Variants in TACR1 observed in about 807,000 individuals in gnomAD.
TACR1 encodes the protein tachykinin receptor 1, also known as substance-P receptor.
In TACR1, 25 loss-of-function variants were observed where a neutral mutation model predicts 35.8. The observed-to-expected ratio is 0.70, with a 90% CI of 0.51 to 0.98. The LOEUF (loss-of-function observed/expected upper bound fraction) is 0.98, where lower values mean the gene tolerates loss of function less well. TACR1 is among the 50% of genes least tolerant of loss of function. TACR1 has a pLI of 0.00. For synonymous variants in TACR1, 195 were observed against 206.7 expected, an observed-to-expected ratio of 0.94 and a Z score of 0.48; for missense variants, 478 against 522.9, an observed-to-expected ratio of 0.91 and a Z score of 0.84.
intron 1 of TACR1, among the ~76,000 whole-genome samples, chr2:75,133,188 G>A (rs1026538429): frequency 6.6e-6 from 1 of 152,092 alleles, no homozygotes; most frequent in Non-Finnish European, 1.5e-5. Flanking sequence ...TTTGACTTGA[G>A]CATTTTTTAC....
At chr2:75,120,912 CA>C in intron 1 of TACR1, 144 bp from the exon 2 acceptor site, 1 of 726,582 alleles carries the variant, frequency 1.4e-6, no homozygotes, top group Non-Finnish European at 2.1e-6. Context: ...ATTCCTTTTC[CA>C]TATTCTACCC....
chr2:75,108,309 T>C (rs116251300), intron 2 of TACR1, among the ~76,000 whole-genome samples: 1,760 of 152,252 alleles, frequency 0.012, 36 homozygotes, highest in African/African-American at 0.04. Context: ...TAACTTACCA[T>C]GACCAACTAA....
At chr2:75,145,502 C>G (rs1313147296) in intron 1 of TACR1, among the ~76,000 whole-genome samples, 5 of 152,150 alleles carry the variant, frequency 3.3e-5, no homozygotes, top group Non-Finnish European at 7.4e-5. Flanking sequence ...AAAAACAAGA[C>G]AAATTCAATT....
intron 1 of TACR1, among the ~76,000 whole-genome samples, chr2:75,140,934 T>G (rs1674388990): frequency 2.6e-5 from 4 of 152,198 alleles, no homozygotes. Flanking sequence ...ATTCTTATTG[T>G]TTTTCTTTTG....
chr2:75,167,433 A>G (rs927504127), intron 1 of TACR1, among the ~76,000 whole-genome samples: 1 of 152,238 alleles, frequency 6.6e-6, no homozygotes, highest in Non-Finnish European at 1.5e-5. Flanking sequence ...AAACATTGTG[A>G]TATCAACATG....
chr2:75,122,018 C>T (rs535967893), intron 1 of TACR1, among the ~76,000 whole-genome samples: 2 of 152,176 alleles, frequency 1.3e-5, no homozygotes, highest in Non-Finnish European at 1.5e-5. Context: ...ATTCAGTATG[C>T]GCTCAATAAA....
intron 2 of TACR1, among the ~76,000 whole-genome samples, chr2:75,089,127 G>T (rs969870531): frequency 6.6e-6 from 1 of 152,176 alleles, no homozygotes; most frequent in African/African-American, 2.4e-5. Context: ...TGCAAGGCAG[G>T]TACAGAGCTC....
At chr2:75,178,619 C>A (rs1214667762) in intron 1 of TACR1, among the ~76,000 whole-genome samples, 2 of 152,166 alleles carry the variant, frequency 1.3e-5, no homozygotes, top group East Asian at 3.9e-4. Flanking sequence ...CCACTTCTCC[C>A]CTCACATTCT....
intron 1 of TACR1, among the ~76,000 whole-genome samples, chr2:75,159,144 C>A (rs538341001): frequency 6.6e-6 from 1 of 151,936 alleles, no homozygotes; most frequent in African/African-American, 2.4e-5. Context: ...GATTTTTAGT[C>A]CAGCTTGGCT....
intron 1 of TACR1, among the ~76,000 whole-genome samples, chr2:75,126,060 T>C (rs1014218776): frequency 5.9e-5 from 9 of 152,178 alleles, no homozygotes; most frequent in Non-Finnish European, 1.3e-4. Context: ...TTTTTTCTGC[T>C]TCTCTTCCTC....
At chr2:75,134,218 A>G (rs1465194652) in intron 1 of TACR1, among the ~76,000 whole-genome samples, 1 of 152,184 alleles carries the variant, frequency 6.6e-6, no homozygotes, top group Non-Finnish European at 1.5e-5. Flanking sequence ...ACTTGCTTTC[A>G]CTTTATGGAC....
At chr2:75,186,371 C>CAAAAAAAAAAAAAAA in intron 1 of TACR1, among the ~76,000 whole-genome samples, 1 of 81,826 alleles carries the variant, frequency 1.2e-5, no homozygotes, top group South Asian at 4.6e-4. Flanking sequence ...GACTCTGTCT[C>CAAAAAAAAAAAAAAA]AAAAAAAAAA....
At chr2:75,167,599 G>A (rs1197272747) in intron 1 of TACR1, among the ~76,000 whole-genome samples, 1 of 151,916 alleles carries the variant, frequency 6.6e-6, no homozygotes, top group Non-Finnish European at 1.5e-5. Context: ...TAAACTATTT[G>A]GAAAAAAATT....
chr2:75,082,839 G>A (rs1237556696), intron 2 of TACR1, among the ~76,000 whole-genome samples: 1 of 152,150 alleles, frequency 6.6e-6, no homozygotes, highest in Admixed American at 6.5e-5. Context: ...TTTGTCAGAT[G>A]AGTAGATTGC....
intron 1 of TACR1, among the ~76,000 whole-genome samples, chr2:75,194,297 A>T (rs140808196): frequency 2.0e-4 from 30 of 152,310 alleles, no homozygotes; most frequent in African/African-American, 6.7e-4. Flanking sequence ...CAATGCTGAC[A>T]TTGGAAAAGA....
rs542642950 is a variant in TACR1 at position 75,199,133 on chromosome 2, C to T, written c.-199G>A. On this transcript the variant is annotated 5_prime_UTR_variant, in exon 1 of 5. Coordinates refer to ENST00000305249, the MANE Select transcript of TACR1 (RefSeq NM_001058.4). ...TCTGGATGCACTGCCCGCCTGCCCGCGGTGGCTCTGAATTCCTCCACTTTC... is the reference window on the plus strand; with the variant it reads ...TCTGGATGCACTGCCCGCCTGCCCGTGGTGGCTCTGAATTCCTCCACTTTC... 3.2e-6 allele frequency: 2 copies of T among 619,512 alleles called. No homozygotes were observed. The highest frequency in any genetic ancestry group is 1.8e-5 in the African/African-American group (1 of 54,604). The allele number at this position is 619,512 out of a possible 1,614,324, so 38.4% of individuals were successfully genotyped here.
intron 1 of TACR1, among the ~76,000 whole-genome samples, chr2:75,176,822 C>T (rs1675431806): frequency 1.3e-5 from 2 of 152,170 alleles, no homozygotes; most frequent in South Asian, 4.1e-4. Context: ...ACTTCCCTGA[C>T]CACCACCAGA....
intron 2 of TACR1, 95 bp from the exon 3 acceptor site, chr2:75,053,850 T>TA: frequency 6.6e-7 from 1 of 1,505,468 alleles, no homozygotes; most frequent in Non-Finnish European, 9.0e-7. Flanking sequence ...GTTTGGCAGC[T>TA]ACCTTTCTCA....
chr2:75,110,345 CACTTT>C (rs1268397379), intron 2 of TACR1, among the ~76,000 whole-genome samples: 7 of 151,442 alleles, frequency 4.6e-5, no homozygotes, highest in Admixed American at 1.3e-4. Context: ...TTAAAAATTT[CACTTT>C]ACTTAATTTA....
Sources: gnomAD v4.1 joint callset for allele counts (sites outside exome capture counted in the v4.1 genomes callset) on GRCh38, gnomAD v4.1.1 for gene constraint, MANE v1.5 for transcripts, NCBI Gene and HGNC (gene_info 2026-07-23, HGNC 2026-07-21) for gene names.